TAS2R1: variants seen among roughly 807,000 people sequenced by gnomAD.
TAS2R1 encodes the protein taste receptor type 2 member 1.
For missense variants in TAS2R1, 370 were observed against 353.4 expected (o/e 1.05, Z -0.38); for synonymous variants, 141 against 134.2 (o/e 1.05, Z -0.35).
the TAS2R1 span, among the ~76,000 whole-genome samples, chr5:9,760,592 A>G: frequency 6.6e-6 from 1 of 152,238 alleles, no homozygotes; most frequent in Non-Finnish European, 1.5e-5. Flanking sequence ...AAGAAAAATC[A>G]TATAATCATA....
At chr5:9,631,235 A>G (rs1314577089), upstream of TAS2R1, among the ~76,000 whole-genome samples, 2 of 151,382 alleles carry the variant, frequency 1.3e-5, no homozygotes, top group Non-Finnish European at 1.5e-5. Flanking sequence ...GTGATATAAA[A>G]CTAAGTCCTC....
At chr5:9,843,258 A>G in the TAS2R1 span, among the ~76,000 whole-genome samples, 6 of 152,206 alleles carry the variant, frequency 3.9e-5, no homozygotes, top group Admixed American at 1.3e-4. Context: ...TGACTTTTAA[A>G]TAAATATTTA....
the TAS2R1 span, among the ~76,000 whole-genome samples, chr5:9,782,919 G>T: frequency 6.6e-6 from 1 of 152,176 alleles, no homozygotes; most frequent in Non-Finnish European, 1.5e-5. Context: ...AATGAGGATA[G>T]CTAGGGAGGA....
the TAS2R1 span, among the ~76,000 whole-genome samples, chr5:9,746,796 T>C: frequency 2.0e-5 from 3 of 152,082 alleles, no homozygotes; most frequent in Non-Finnish European, 2.9e-5. Context: ...GGGAGAGCAT[T>C]AGGACAAATA....
the TAS2R1 span, among the ~76,000 whole-genome samples, chr5:9,858,228 T>G: frequency 6.6e-6 from 1 of 152,076 alleles, no homozygotes; most frequent in Non-Finnish European, 1.5e-5. Flanking sequence ...GGCTGCAGGA[T>G]CCAGCCTTGG....
chr5:9,705,530 G>A (rs1314775919), intron 1 of TAS2R1, among the ~76,000 whole-genome samples: 2 of 152,070 alleles, frequency 1.3e-5, no homozygotes, highest in Admixed American at 6.6e-5. Flanking sequence ...AACTTTGCTG[G>A]TGTGTCTGGG....
the TAS2R1 span, among the ~76,000 whole-genome samples, chr5:9,795,065 G>A: frequency 6.6e-6 from 1 of 152,070 alleles, no homozygotes; most frequent in East Asian, 1.9e-4. Context: ...ATTTCTTTTT[G>A]TGGGGGGACA....
the TAS2R1 span, among the ~76,000 whole-genome samples, chr5:9,807,287 C>T: frequency 1.4e-4 from 21 of 152,094 alleles, no homozygotes; most frequent in African/African-American, 4.1e-4. Flanking sequence ...AAAGGGAACA[C>T]ATTTACACTG....
the TAS2R1 span, among the ~76,000 whole-genome samples, chr5:9,744,413 T>A: frequency 6.6e-6 from 1 of 152,156 alleles, no homozygotes; most frequent in Non-Finnish European, 1.5e-5. Flanking sequence ...AAATATTGGA[T>A]AAAACCCAAC....
At position 9,678,922 on chromosome 5, in the gene TAS2R1, C is replaced by T. The variant is rs147573314; in HGVS notation, c.-241-19341G>A. ...CAAACTTGTATATCCTGCACATGTA[C>T]CCTGGAACTTAAAATAAAAGTTGAT... On this transcript the variant is annotated intron_variant, in intron 1 of 2. Transcript: ENST00000506620. Among the ~76,000 whole-genome samples the T allele has an allele frequency of 5.6e-3, 853 of 152,154 alleles. 10 individuals are homozygous for T. The highest frequency in any genetic ancestry group is 0.019 in the African/African-American group (802 of 41,498).
At chr5:9,859,581 G>A in the TAS2R1 span, among the ~76,000 whole-genome samples, 51 of 152,288 alleles carry the variant, frequency 3.3e-4, no homozygotes, top group African/African-American at 1.2e-3. Context: ...TAATCTAACT[G>A]TCTGGGGAGT....
At chr5:9,759,575 G>C in the TAS2R1 span, among the ~76,000 whole-genome samples, 119 of 152,220 alleles carry the variant, frequency 7.8e-4, 1 homozygote, top group Admixed American at 1.9e-3. Context: ...TTAGTATATG[G>C]ATGTTTTTCC....
chr5:9,672,496 G>A (rs1740788099), intron 1 of TAS2R1, among the ~76,000 whole-genome samples: 1 of 152,014 alleles, frequency 6.6e-6, no homozygotes. Flanking sequence ...ATTTTCAAGA[G>A]AAGACATACA....
chr5:9,701,942 T>C (rs1741492643), intron 1 of TAS2R1, among the ~76,000 whole-genome samples: 5 of 152,216 alleles, frequency 3.3e-5, no homozygotes. Flanking sequence ...ATTAATGTGA[T>C]GTACAGGGGC....
chr5:9,796,364 C>A, the TAS2R1 span, among the ~76,000 whole-genome samples: 6 of 152,226 alleles, frequency 3.9e-5, no homozygotes, highest in African/African-American at 1.4e-4. Context: ...GTCACCCTAC[C>A]CACTTGCTGT....
intron 2 of TAS2R1, chr5:9,658,792 T>C (rs27842): frequency 0.44 from 66,466 of 152,072 alleles, 15,888 homozygotes; most frequent in Non-Finnish European, 0.54. Context: ...TGTGTTCTCA[T>C]GACAAGACGG....
At chr5:9,657,108 C>T (rs1031272122) in intron 2 of TAS2R1, among the ~76,000 whole-genome samples, 4 of 151,858 alleles carry the variant, frequency 2.6e-5, no homozygotes, top group African/African-American at 9.7e-5. Flanking sequence ...ATATACAATA[C>T]AAAATATACA....
the TAS2R1 span, among the ~76,000 whole-genome samples, chr5:9,789,142 T>A: frequency 1.3e-5 from 2 of 151,974 alleles, no homozygotes; most frequent in African/African-American, 4.8e-5. Context: ...AGAATTACCA[T>A]CCAAAGGAGG....
intron 1 of TAS2R1, among the ~76,000 whole-genome samples, chr5:9,700,101 CACAA>C: frequency 6.6e-6 from 1 of 152,304 alleles, no homozygotes; most frequent in Admixed American, 6.5e-5. Flanking sequence ...CTATACCTTA[CACAA>C]ACAAAGCTAA....
Sources: allele counts gnomAD v4.1 joint callset (sites outside exome capture counted in the v4.1 genomes callset), GRCh38; gene constraint gnomAD v4.1.1; transcripts MANE v1.5; gene names NCBI Gene and HGNC (gene_info 2026-07-23, HGNC 2026-07-21).